PTBP3: variants seen among roughly 807,000 people sequenced by gnomAD.
PTBP3 encodes the protein polypyrimidine tract-binding protein 3.
In PTBP3, 20 loss-of-function variants were observed where a neutral mutation model predicts 58.7. That is an observed-to-expected ratio of 0.34 (90% CI 0.24 to 0.50). The LOEUF is 0.50. Among genes scored for constraint, PTBP3 ranks in the 20% least tolerant of loss-of-function variants. The pLI, the probability that PTBP3 is intolerant of heterozygous loss-of-function variation, is 0.98. For synonymous variants in PTBP3, 185 were observed against 219.8 expected (o/e 0.84, Z 1.40); for missense variants, 509 against 637.2 (o/e 0.80, Z 2.17).
the PTBP3 span, among the ~76,000 whole-genome samples, chr9:112,376,335 C>T: frequency 7.1e-6 from 1 of 140,510 alleles, no homozygotes; most frequent in East Asian, 2.2e-4. Flanking sequence ...CTCACTGCAA[C>T]CTCCGCCTCC....
At chr9:112,272,343 G>A (rs748452831) in intron 3 of PTBP3, among the ~76,000 whole-genome samples, 1 of 152,100 alleles carries the variant, frequency 6.6e-6, no homozygotes, top group Non-Finnish European at 1.5e-5. Context: ...GGGATTACAG[G>A]CATGAACCAC....
At chr9:112,370,360 G>C in the PTBP3 span, among the ~76,000 whole-genome samples, 1 of 152,092 alleles carries the variant, frequency 6.6e-6, no homozygotes, top group African/African-American at 2.4e-5. Context: ...TGGACAACAT[G>C]GCAAAACCCT....
intron 1 of PTBP3, among the ~76,000 whole-genome samples, chr9:112,330,693 A>C (rs919289613): frequency 6.6e-6 from 1 of 152,238 alleles, no homozygotes; most frequent in Admixed American, 6.5e-5. Context: ...TGCAAGAAAC[A>C]AATCCTGTTA....
chr9:112,310,404 T>A (rs374716575), intron 1 of PTBP3, among the ~76,000 whole-genome samples: 2 of 152,172 alleles, frequency 1.3e-5, no homozygotes, highest in East Asian at 1.9e-4. Flanking sequence ...TGATATCCAA[T>A]CAAAAAGACA....
chr9:112,318,574 A>G (rs1005233009), intron 1 of PTBP3, among the ~76,000 whole-genome samples: 3 of 152,044 alleles, frequency 2.0e-5, no homozygotes, highest in Non-Finnish European at 4.4e-5. Context: ...AGCTTGGCCA[A>G]TATGGTGAAA....
intron 2 of PTBP3, among the ~76,000 whole-genome samples, chr9:112,283,642 G>A (rs1827977821): frequency 6.6e-6 from 1 of 152,240 alleles, no homozygotes; most frequent in African/African-American, 2.4e-5. Context: ...AGAAATTCAA[G>A]CTGGCTGCAG....
intron 9 of PTBP3, 58 bp from the exon 10 acceptor site, chr9:112,231,471 GTTTA>G (rs1402560815): frequency 7.1e-7 from 1 of 1,417,022 alleles, no homozygotes; most frequent in African/African-American, 1.5e-5. Context: ...TTGAAAATAA[GTTTA>G]TTTATACTGT....
chr9:112,280,000 G>A (rs769683790), intron 2 of PTBP3, among the ~76,000 whole-genome samples: 1 of 151,970 alleles, frequency 6.6e-6, no homozygotes, highest in Non-Finnish European at 1.5e-5. Flanking sequence ...CTACACCCTT[G>A]CTAAATTCTT....
chr9:112,267,946 C>G, intron 4 of PTBP3, 103 bp downstream of exon 4: 1 of 1,128,538 alleles, frequency 8.9e-7, no homozygotes, highest in Non-Finnish European at 1.2e-6. Context: ...GTAAAGTATC[C>G]TAAAATGAAT....
At chr9:112,241,314 G>A (rs1327623035) in intron 7 of PTBP3, among the ~76,000 whole-genome samples, 1 of 152,128 alleles carries the variant, frequency 6.6e-6, no homozygotes, top group Non-Finnish European at 1.5e-5. Flanking sequence ...ATGTTGGCCA[G>A]GCTGGTCTCA....
rs557330406 is a variant in PTBP3, at chr9:112,333,596, G to A, written c.-178C>T. On this transcript the variant is annotated 5_prime_UTR_variant, in exon 1 of 14. Transcript: ENST00000374257. ...CGAGCTTTGGCTCTGCGGAGCCCCG[G>A]CCGGTCCGAGGTGGAAGGAGAGTGG... 2.6e-5 allele frequency: 34 copies of A among 1,285,112 alleles called. No individual in the cohort carries two copies. The highest frequency in any genetic ancestry group is 3.3e-5 in the Non-Finnish European group (30 of 911,330). The allele number at this position is 1,285,112 out of a possible 1,614,324, so 79.6% of individuals were successfully genotyped here. A position where few individuals can be genotyped will look rare whatever the true frequency, so the allele number is the denominator to read the frequency against.
intron 2 of PTBP3, among the ~76,000 whole-genome samples, chr9:112,293,197 G>A (rs556287790): frequency 1.3e-5 from 2 of 152,266 alleles, no homozygotes; most frequent in African/African-American, 4.8e-5. Context: ...AACTTATGAT[G>A]TTAGAAGTCA....
Position 112,219,967 on chromosome 9 carries a change from T to C in PTBP3, c.*3884A>G. 1.6e-6 allele frequency: 1 copy of C among 617,290 alleles called. No individual in the cohort carries two copies. Among genetic ancestry groups the C allele is most frequent in the Non-Finnish European group, 2.1e-6 (1 of 474,786 alleles). 38.2% of individuals were successfully genotyped at this position (617,290 alleles called of 1,614,324 possible). A position where few individuals can be genotyped will look rare whatever the true frequency, so the allele number is the denominator to read the frequency against. On this transcript the variant is annotated 3_prime_UTR_variant, in exon 14 of 14. Transcript: ENST00000374257. ...AGACAGCTGAGTTATATTTTCAAATTTTGTGCAATCTAAATTGTATTTCTT... is the reference window on the plus strand; with the variant it reads ...AGACAGCTGAGTTATATTTTCAAATCTTGTGCAATCTAAATTGTATTTCTT...
At chr9:112,252,373 A>G in intron 6 of PTBP3, 1 of 329,164 alleles carries the variant, frequency 3.0e-6, no homozygotes, top group Non-Finnish European at 5.6e-6. Context: ...GAGGGTAATG[A>G]TGGCTCTATT....
chr9:112,250,844 A>G (rs1836082341), intron 7 of PTBP3, 85 bp downstream of exon 7: 8 of 1,256,758 alleles, frequency 6.4e-6, no homozygotes, highest in Non-Finnish European at 7.3e-6. Flanking sequence ...TCGAGAAGAA[A>G]AAGGCTTATA....
At chr9:112,226,510 C>A (rs534483548) in intron 12 of PTBP3, among the ~76,000 whole-genome samples, 1 of 152,242 alleles carries the variant, frequency 6.6e-6, no homozygotes, top group South Asian at 2.1e-4. Flanking sequence ...ACAAAACTGC[C>A]ATTTTTTTGT....
At position 112,234,802 on chromosome 9, in the gene PTBP3, C is replaced by A. The variant is rs747437420; in HGVS notation, c.880+18G>T. On this transcript the variant is annotated intron_variant, in intron 8 of 13. Transcript: ENST00000374257. ...AACTTCATTAAAAGTCATTTCAAATCCAACTTAAAAGAATCACCTGTAGCT... is the reference window on the plus strand; with the variant it reads ...AACTTCATTAAAAGTCATTTCAAATACAACTTAAAAGAATCACCTGTAGCT... 6.3e-7 allele frequency: 1 copy of A among 1,592,782 alleles called. No individual in the cohort carries two copies. Among genetic ancestry groups the A allele is most frequent in the South Asian group, 1.1e-5 (1 of 90,444 alleles).
chr9:112,301,642 G>A (rs1425515856), intron 1 of PTBP3, among the ~76,000 whole-genome samples: 5 of 152,180 alleles, frequency 3.3e-5, no homozygotes, highest in East Asian at 1.9e-4. Context: ...GGTACCATAA[G>A]GAGATCTTTG....
chr9:112,322,004 G>A (rs1358639505), intron 1 of PTBP3, among the ~76,000 whole-genome samples: 5 of 152,044 alleles, frequency 3.3e-5, no homozygotes, highest in South Asian at 2.1e-4. Flanking sequence ...GCATGGCAGC[G>A]TGTACCTGTA....
Sources: gnomAD v4.1 joint callset for allele counts (sites outside exome capture counted in the v4.1 genomes callset) on GRCh38, gnomAD v4.1.1 for gene constraint, MANE v1.5 for transcripts, NCBI Gene and HGNC (gene_info 2026-07-23, HGNC 2026-07-21) for gene names.